WDR7: variants seen among roughly 807,000 people sequenced by gnomAD.
The protein encoded by WDR7 is WD repeat domain 7, also known as WD repeat-containing protein 7.
A neutral mutation model predicts 169.4 loss-of-function variants in WDR7; 46 were observed. That is an observed-to-expected ratio of 0.27 (90% CI 0.21 to 0.35). The LOEUF is 0.35. WDR7 is among the 10% of genes least tolerant of loss of function. The pLI is 1.00. For synonymous variants in WDR7, 612 were observed against 666.8 expected (o/e 0.92, Z 1.27); for missense variants, 1,534 against 1,859.3 (o/e 0.83, Z 3.22).
intron 20 of WDR7, among the ~76,000 whole-genome samples, chr18:56,863,704 T>C (rs1467431269): frequency 6.6e-6 from 1 of 151,852 alleles, no homozygotes; most frequent in Non-Finnish European, 1.5e-5. Flanking sequence ...TTTTCTCTTG[T>C]TATCTGCATA....
intron 27 of WDR7, among the ~76,000 whole-genome samples, chr18:57,025,911 C>G (rs529025581): frequency 6.6e-6 from 1 of 152,308 alleles, no homozygotes; most frequent in South Asian, 2.1e-4. Context: ...GATGTTGGAT[C>G]ATAATCTGCA....
At chr18:56,799,597 T>G (rs2044640077) in intron 19 of WDR7, among the ~76,000 whole-genome samples, 1 of 152,192 alleles carries the variant, frequency 6.6e-6, no homozygotes, top group African/African-American at 2.4e-5. Context: ...AGACTTGGTA[T>G]GTACCACGCA....
chr18:56,813,304 ATATGT>A, intron 19 of WDR7, among the ~76,000 whole-genome samples: 1 of 151,938 alleles, frequency 6.6e-6, no homozygotes, highest in East Asian at 1.9e-4. Context: ...ACTTCCAATG[ATATGT>A]TAAGTAAGAG....
At chr18:56,737,235 AC>A (rs2026720148) in intron 14 of WDR7, among the ~76,000 whole-genome samples, 1 of 152,224 alleles carries the variant, frequency 6.6e-6, no homozygotes, top group African/African-American at 2.4e-5. Context: ...GCGAATGCAT[AC>A]ATGCATATAT....
intron 13 of WDR7, among the ~76,000 whole-genome samples, chr18:56,720,738 G>A (rs2144753805): frequency 6.6e-6 from 1 of 152,278 alleles, no homozygotes; most frequent in Non-Finnish European, 1.5e-5. Flanking sequence ...GGCCCTAACT[G>A]TAGGGGTACT....
chr18:56,905,528 G>A (rs144954185), intron 21 of WDR7, among the ~76,000 whole-genome samples: 301 of 152,174 alleles, frequency 2.0e-3, no homozygotes, highest in African/African-American at 6.8e-3. Flanking sequence ...AGGATTAAGA[G>A]TTACAAATGT....
intron 7 of WDR7, among the ~76,000 whole-genome samples, chr18:56,690,909 T>C (rs2025553129): frequency 6.6e-6 from 1 of 152,170 alleles, no homozygotes; most frequent in African/African-American, 2.4e-5. Context: ...TGCAATTCTT[T>C]AATGGAATAC....
intron 26 of WDR7, among the ~76,000 whole-genome samples, chr18:57,000,128 A>T (rs2047955023): frequency 6.6e-6 from 1 of 152,214 alleles, no homozygotes; most frequent in Non-Finnish European, 1.5e-5. Flanking sequence ...GGAAACATTC[A>T]GGGAGAATGT....
downstream of WDR7, chr18:57,033,830 G>C (rs547880771): frequency 6.6e-6 from 1 of 152,274 alleles, no homozygotes; most frequent in South Asian, 2.1e-4. Flanking sequence ...CACATCCCAT[G>C]ATGGGTCAGG....
At chr18:56,683,752 T>TA (rs1368758330) in intron 5 of WDR7, among the ~76,000 whole-genome samples, 1 of 152,210 alleles carries the variant, frequency 6.6e-6, no homozygotes. Flanking sequence ...ACCACTGTGT[T>TA]ACACTGCTTC....
intron 20 of WDR7, among the ~76,000 whole-genome samples, chr18:56,869,608 C>CA (rs2045927105): frequency 6.6e-6 from 1 of 152,150 alleles, no homozygotes; most frequent in Non-Finnish European, 1.5e-5. Context: ...GCTATACACA[C>CA]AGTAGCTTTG....
intron 12 of WDR7, among the ~76,000 whole-genome samples, chr18:56,704,796 T>A (rs1310170755): frequency 6.6e-6 from 1 of 152,214 alleles, no homozygotes; most frequent in African/African-American, 2.4e-5. Flanking sequence ...CCTTAAAATC[T>A]TAAATCATAT....
At chr18:57,000,521 G>GT (rs1732702828) in intron 26 of WDR7, among the ~76,000 whole-genome samples, 1 of 151,898 alleles carries the variant, frequency 6.6e-6, no homozygotes, top group African/African-American at 2.4e-5. Context: ...TAATCATTTT[G>GT]TTTTTTAGTG....
chr18:56,802,861 T>G (rs1272417094), intron 19 of WDR7, among the ~76,000 whole-genome samples: 2 of 152,152 alleles, frequency 1.3e-5, no homozygotes, highest in Non-Finnish European at 2.9e-5. Context: ...TTTGGTGTTG[T>G]ATCTTAAAAA....
intron 21 of WDR7, among the ~76,000 whole-genome samples, chr18:56,917,933 G>A (rs865924545): frequency 5.3e-5 from 8 of 152,234 alleles, no homozygotes; most frequent in African/African-American, 7.2e-5. Flanking sequence ...ATTAAAATAT[G>A]AGCTATTATT....
intron 26 of WDR7, among the ~76,000 whole-genome samples, chr18:56,969,383 ATCT>A (rs1358827963): frequency 1.3e-5 from 2 of 152,212 alleles, no homozygotes; most frequent in South Asian, 2.1e-4. Flanking sequence ...ATCATACATA[ATCT>A]TCTCCTCCTA....
chr18:56,675,386 T>C (rs1385420762), intron 2 of WDR7, among the ~76,000 whole-genome samples: 3 of 152,170 alleles, frequency 2.0e-5, no homozygotes, highest in Non-Finnish European at 2.9e-5. Flanking sequence ...TAGTTTTTTT[T>C]CAGCGATATT....
chr18:56,768,709 GT>G (rs1022489586), intron 16 of WDR7, among the ~76,000 whole-genome samples: 2 of 152,046 alleles, frequency 1.3e-5, no homozygotes, highest in Non-Finnish European at 2.9e-5. Context: ...TTCCTCTTAT[GT>G]TTTTTATTTC....
chr18:56,957,115 A>G (rs115978778), intron 25 of WDR7, among the ~76,000 whole-genome samples: 1,882 of 152,274 alleles, frequency 0.012, 53 homozygotes, highest in African/African-American at 0.043. Flanking sequence ...TGGTTAAATA[A>G]TATAATGCAC....
Sources: gnomAD v4.1 joint callset for allele counts (sites outside exome capture counted in the v4.1 genomes callset) on GRCh38, gnomAD v4.1.1 for gene constraint, MANE v1.5 for transcripts, NCBI Gene and HGNC (gene_info 2026-07-23, HGNC 2026-07-21) for gene names.